Variants in ALK observed in about 807,000 individuals in gnomAD.
ALK encodes ALK receptor tyrosine kinase, also known as ALK tyrosine kinase receptor.
ALK carries 74 observed loss-of-function variants against 163.1 expected under a neutral mutation model. The ratio of observed to expected loss-of-function variants is 0.45; its 90% confidence interval spans 0.38 to 0.55. The LOEUF (loss-of-function observed/expected upper bound fraction) is 0.55. ALK is among the 20% of genes least tolerant of loss of function. ALK has a pLI of 0.00. For missense variants in ALK, 2,063 were observed against 2,105.3 expected (o/e 0.98, Z 0.39); for synonymous variants, 960 against 843.2 (o/e 1.14, Z -2.40).
intron 3 of ALK, among the ~76,000 whole-genome samples, chr2:29,691,379 A>G (rs1187095274): frequency 4.6e-5 from 7 of 152,218 alleles, no homozygotes; most frequent in Non-Finnish European, 2.9e-5. Context: ...GTGTCCATTC[A>G]TGAAAGAGCT....
chr2:29,813,970 C>A (rs556130239), intron 1 of ALK, among the ~76,000 whole-genome samples: 7 of 152,306 alleles, frequency 4.6e-5, no homozygotes, highest in Non-Finnish European at 7.3e-5. Context: ...TCAGTAACAT[C>A]CGAGAGGCTA....
chr2:29,270,598 A>AG (rs1177611295), intron 11 of ALK, among the ~76,000 whole-genome samples: 2 of 152,138 alleles, frequency 1.3e-5, no homozygotes, highest in Admixed American at 6.5e-5. Flanking sequence ...ATAGGTTGAC[A>AG]GGGGCCCAAG....
intron 1 of ALK, among the ~76,000 whole-genome samples, chr2:29,901,525 C>A (rs965463057): frequency 6.6e-6 from 1 of 152,160 alleles, no homozygotes; most frequent in Non-Finnish European, 1.5e-5. Context: ...GGAAGGAGTC[C>A]CAGCTTCAAG....
chr2:29,537,353 G>A (rs1278720497), intron 3 of ALK, among the ~76,000 whole-genome samples: 1 of 152,228 alleles, frequency 6.6e-6, no homozygotes, highest in Non-Finnish European at 1.5e-5. Context: ...TCATGACACT[G>A]CTCCTTACAT....
intron 3 of ALK, among the ~76,000 whole-genome samples, chr2:29,557,080 C>T (rs909780158): frequency 3.9e-5 from 6 of 152,074 alleles, no homozygotes; most frequent in African/African-American, 1.4e-4. Flanking sequence ...GTAATAAAAC[C>T]ACATATATTT....
At chr2:29,587,606 C>T (rs547842635) in intron 3 of ALK, among the ~76,000 whole-genome samples, 55 of 152,166 alleles carry the variant, frequency 3.6e-4, no homozygotes, top group Non-Finnish European at 6.0e-4. Context: ...TAGCATTTTG[C>T]ATTTGGTTTT....
In ALK at chr2:29,639,465, C is replaced by T. The variant is rs142104776; in HGVS notation, c.952+55385G>A. Among the ~76,000 whole-genome samples, 552 of 152,290 alleles carry T rather than the reference C, an allele frequency of 3.6e-3. 3 individuals are homozygous for T. Among genetic ancestry groups the T allele is most frequent in the African/African-American group, 0.013 (522 of 41,542 alleles). On this transcript the variant is annotated intron_variant, in intron 3 of 28. Transcript: ENST00000389048. ...ATGCATTTCTTTCTTTCATATATCT[C>T]CTTGCCACATTCCACTAAGGATTTG... is the stretch of plus-strand genomic sequence containing the variant.
At chr2:29,783,635 C>CA (rs1400355568) in intron 1 of ALK, among the ~76,000 whole-genome samples, 1 of 152,226 alleles carries the variant, frequency 6.6e-6, no homozygotes, top group Non-Finnish European at 1.5e-5. Context: ...TGAGAAATCT[C>CA]TACTGAGTTT....
chr2:29,840,718 A>G (rs939347770), intron 1 of ALK, among the ~76,000 whole-genome samples: 1 of 152,212 alleles, frequency 6.6e-6, no homozygotes, highest in African/African-American at 2.4e-5. Context: ...CTAAAATTTG[A>G]AACATTAAGT....
chr2:29,344,311 C>G (rs761584020), intron 5 of ALK, among the ~76,000 whole-genome samples: 1 of 152,124 alleles, frequency 6.6e-6, no homozygotes, highest in East Asian at 1.9e-4. Flanking sequence ...TCTCATGAGT[C>G]GGGCAGGCTC....
intron 4 of ALK, among the ~76,000 whole-genome samples, chr2:29,438,505 TA>T (rs1260183306): frequency 1.3e-5 from 2 of 152,362 alleles, no homozygotes; most frequent in African/African-American, 4.8e-5. Flanking sequence ...TTAATCAAAT[TA>T]TTTTGAGAAG....
chr2:29,689,180 A>C (rs965456188), intron 3 of ALK, among the ~76,000 whole-genome samples: 2 of 152,202 alleles, frequency 1.3e-5, no homozygotes. Context: ...GAACTCAGAA[A>C]TGGGTGGCTA....
At chr2:29,859,840 G>C (rs1259392154) in intron 1 of ALK, among the ~76,000 whole-genome samples, 1 of 152,190 alleles carries the variant, frequency 6.6e-6, no homozygotes, top group Non-Finnish European at 1.5e-5. Flanking sequence ...TGTGCTATGA[G>C]GCTCGGAAGA....
chr2:29,212,390 TA>T (rs1273388720), intron 24 of ALK, among the ~76,000 whole-genome samples: 1 of 151,850 alleles, frequency 6.6e-6, no homozygotes, highest in Admixed American at 6.6e-5. Flanking sequence ...AAAACTACCT[TA>T]AAAAAAAGAA....
chr2:29,266,989 T>C (rs1190987248), intron 11 of ALK, among the ~76,000 whole-genome samples: 1 of 152,164 alleles, frequency 6.6e-6, no homozygotes, highest in Admixed American at 6.5e-5. Context: ...ATAGGTGAGA[T>C]CTGTGAATTG....
intron 3 of ALK, among the ~76,000 whole-genome samples, chr2:29,628,479 C>T (rs1014646466): frequency 2.0e-5 from 3 of 152,102 alleles, no homozygotes; most frequent in South Asian, 4.1e-4. Context: ...GCCAAACTTA[C>T]GAGCTGGAGG....
chr2:29,826,282 T>C (rs1665196380), intron 1 of ALK, among the ~76,000 whole-genome samples: 2 of 152,162 alleles, frequency 1.3e-5, no homozygotes, highest in African/African-American at 4.8e-5. Context: ...TGTGATTTTA[T>C]GACTTTTTTG....
intron 1 of ALK, among the ~76,000 whole-genome samples, chr2:29,812,846 A>T (rs1035894651): frequency 3.3e-5 from 5 of 152,224 alleles, no homozygotes; most frequent in African/African-American, 1.2e-4. Context: ...TGAGCTGGAC[A>T]CTAGGGCTGT....
chr2:29,562,371 T>C (rs1674049228), intron 3 of ALK, among the ~76,000 whole-genome samples: 1 of 151,932 alleles, frequency 6.6e-6, no homozygotes. Flanking sequence ...TCTACTCTTT[T>C]CTACACTATA....
Sources: allele counts gnomAD v4.1 joint callset (sites outside exome capture counted in the v4.1 genomes callset), GRCh38; gene constraint gnomAD v4.1.1; transcripts MANE v1.5; gene names NCBI Gene and HGNC (gene_info 2026-07-23, HGNC 2026-07-21).